PRR16: variants seen among roughly 807,000 people sequenced by gnomAD.
The protein encoded by PRR16 is proline rich 16, also known as protein Largen.
Under a neutral mutation model 18.2 loss-of-function variants are expected in PRR16, and 6 were observed. The ratio of observed to expected loss-of-function variants is 0.33; its 90% CI spans 0.18 to 0.65. The LOEUF (loss-of-function observed/expected upper bound fraction) is 0.65. Ranked by LOEUF, PRR16 falls within the 30% of genes least tolerant of loss-of-function variation. The pLI is 0.74. For missense variants in PRR16, 412 were observed against 376.6 expected (o/e 1.09, Z -0.78); for synonymous variants, 151 against 147.8 (o/e 1.02, Z -0.16).
At chr5:120,636,210 A>G (rs1225608987) in intron 1 of PRR16, among the ~76,000 whole-genome samples, 1 of 152,226 alleles carries the variant, frequency 6.6e-6, no homozygotes, top group East Asian at 1.9e-4. Flanking sequence ...GCCAAAAGCA[A>G]TCTACAAATT....
At chr5:120,483,270 G>C (rs1749680912) in intron 1 of PRR16, among the ~76,000 whole-genome samples, 1 of 152,082 alleles carries the variant, frequency 6.6e-6, no homozygotes, top group African/African-American at 2.4e-5. Flanking sequence ...TGTGCATACA[G>C]AACTGTATCC....
At chr5:120,729,549 T>G in the PRR16 span, among the ~76,000 whole-genome samples, 14 of 152,144 alleles carry the variant, frequency 9.2e-5, no homozygotes, top group Non-Finnish European at 1.6e-4. Context: ...AGGGTTTGAG[T>G]ATTTGTTTGC....
At chr5:120,572,369 T>G (rs2077726) in intron 1 of PRR16, among the ~76,000 whole-genome samples, 23,148 of 152,228 alleles carry the variant, frequency 0.15, 2,257 homozygotes, top group Non-Finnish European at 0.23. Flanking sequence ...ATGAATTAGA[T>G]GTAGCACTTG....
chr5:120,725,711 T>C, the PRR16 span, among the ~76,000 whole-genome samples: 1 of 152,058 alleles, frequency 6.6e-6, no homozygotes, highest in Admixed American at 6.6e-5. Flanking sequence ...CTCAACTGTT[T>C]ATACACCTTT....
intron 1 of PRR16, among the ~76,000 whole-genome samples, chr5:120,469,672 T>C (rs182189039): frequency 6.6e-6 from 1 of 152,244 alleles, no homozygotes; most frequent in Admixed American, 6.5e-5. Flanking sequence ...AAATAGAATT[T>C]AGTAGTTCTT....
intron 1 of PRR16, among the ~76,000 whole-genome samples, chr5:120,633,781 C>CTTTAATATT (rs1561584720): frequency 1.6e-4 from 3 of 19,244 alleles, no homozygotes; most frequent in South Asian, 2.6e-3. Flanking sequence ...TAGTGGAGGA[C>CTTTAATATT]CAAATTTGTA....
the PRR16 span, among the ~76,000 whole-genome samples, chr5:120,762,663 C>A: frequency 4.6e-5 from 7 of 151,980 alleles, no homozygotes; most frequent in African/African-American, 1.7e-4. Context: ...TGCTTGAGTA[C>A]CTTGTGTGTT....
chr5:120,516,613 A>G (rs1030810371), intron 1 of PRR16, among the ~76,000 whole-genome samples: 9 of 152,040 alleles, frequency 5.9e-5, no homozygotes, highest in African/African-American at 1.9e-4. Context: ...AGAGAAAAGT[A>G]TGGCGTGCAT....
chr5:120,691,239 C>A (rs955214171), downstream of PRR16, among the ~76,000 whole-genome samples: 2 of 152,132 alleles, frequency 1.3e-5, no homozygotes, highest in African/African-American at 4.8e-5. Flanking sequence ...TAATTGTGTT[C>A]TTCATAGCCC....
chr5:120,692,187 C>T (rs528285455), downstream of PRR16, among the ~76,000 whole-genome samples: 1 of 152,210 alleles, frequency 6.6e-6, no homozygotes, highest in Non-Finnish European at 1.5e-5. Flanking sequence ...CCTTAGAAGG[C>T]TGTTGGGAGA....
chr5:120,792,927 G>C, the PRR16 span, among the ~76,000 whole-genome samples: 2 of 149,564 alleles, frequency 1.3e-5, no homozygotes, highest in Admixed American at 6.6e-5. Context: ...CGAGGCCAGG[G>C]GGATCACTTG....
chr5:120,605,076 C>A (rs745924918), intron 1 of PRR16, among the ~76,000 whole-genome samples: 2 of 152,084 alleles, frequency 1.3e-5, no homozygotes, highest in Non-Finnish European at 2.9e-5. Context: ...TGAATTTGCA[C>A]GTCAGCCTGT....
intron 1 of PRR16, among the ~76,000 whole-genome samples, chr5:120,628,661 ACCTACCTATCTATCTATCTATCTATCAT>A (rs1754948377): frequency 1.4e-5 from 2 of 142,412 alleles, no homozygotes; most frequent in South Asian, 2.4e-4. Context: ...CTATCTATCT[ACCTACCTATCTATCTATCTATCTATCAT>A]TCTACCATCT....
intron 1 of PRR16, among the ~76,000 whole-genome samples, chr5:120,547,002 T>C (rs1293336066): frequency 6.6e-6 from 1 of 152,006 alleles, no homozygotes; most frequent in Admixed American, 6.6e-5. Flanking sequence ...AGAAAAGAGA[T>C]GGGGAGTTGC....
intron 1 of PRR16, among the ~76,000 whole-genome samples, chr5:120,518,257 C>T (rs1451477688): frequency 1.3e-5 from 2 of 152,122 alleles, no homozygotes; most frequent in Non-Finnish European, 2.9e-5. Context: ...TTAAATTTTG[C>T]AGGTATCTAT....
intron 1 of PRR16, among the ~76,000 whole-genome samples, chr5:120,628,738 CTATCTAT>C (rs1754958533): frequency 1.4e-5 from 2 of 146,210 alleles, no homozygotes; most frequent in Admixed American, 1.4e-4. Flanking sequence ...ATCTATCTAT[CTATCTAT>C]CTATCATCTA....
intron 1 of PRR16, among the ~76,000 whole-genome samples, chr5:120,556,874 A>C (rs1752429868): frequency 6.6e-6 from 1 of 151,752 alleles, no homozygotes; most frequent in Non-Finnish European, 1.5e-5. Context: ...CCCAAACAGT[A>C]TTAAACAACT....
At chr5:120,526,846 C>G (rs541957305) in intron 1 of PRR16, among the ~76,000 whole-genome samples, 1 of 152,126 alleles carries the variant, frequency 6.6e-6, no homozygotes, top group African/African-American at 2.4e-5. Flanking sequence ...GGCTCGGCCT[C>G]CCAAAGTGCT....
the PRR16 span, among the ~76,000 whole-genome samples, chr5:120,791,795 C>T: frequency 6.6e-6 from 1 of 151,936 alleles, no homozygotes; most frequent in Non-Finnish European, 1.5e-5. Flanking sequence ...AGGCTTATTC[C>T]CAAACTATGA....
Sources: gnomAD v4.1 joint callset for allele counts (sites outside exome capture counted in the v4.1 genomes callset) on GRCh38, gnomAD v4.1.1 for gene constraint, MANE v1.5 for transcripts, NCBI Gene and HGNC (gene_info 2026-07-23, HGNC 2026-07-21) for gene names.